The following DNASE1 variants were observed in gnomAD, a reference collection of about 807,000 sequenced individuals.
DNASE1 encodes deoxyribonuclease 1, also known as deoxyribonuclease-1.
In DNASE1, 40 loss-of-function variants were observed where a neutral mutation model predicts 33.9. That is an observed-to-expected ratio of 1.18 (90% CI 0.92 to 1.54). The LOEUF is 1.54. Among genes scored for constraint, DNASE1 ranks in the 40% most tolerant of loss-of-function variants. The pLI is 0.00. For missense variants in DNASE1, 518 were observed against 372.6 expected, an observed-to-expected ratio of 1.39 and a Z score of -3.21; for synonymous variants, 216 against 160.0, an observed-to-expected ratio of 1.35 and a Z score of -2.64.
At chr16:3,620,720 T>G (rs1383952796) in intron 1 of DNASE1, among the ~76,000 whole-genome samples, 1 of 152,058 alleles carries the variant, frequency 6.6e-6, no homozygotes, top group African/African-American at 2.4e-5. Flanking sequence ...TTTATTTCTT[T>G]TGGAAGGAGT....
rs577894979 is a variant in DNASE1, at chr16:3,654,869, G to A, written c.-177G>A. On this transcript the variant is annotated 5_prime_UTR_variant, in exon 1 of 9. In the 5' UTR this introduces an upstream ATG that the reference lacks. Transcript: ENST00000246949. ...TAAAACTCCCAGACACGCACTGCCT[G>A]TGCAGGATCCGGAGCCCAGCAGCAC... The A allele has an allele frequency of 7.1e-6, 3 of 423,110 alleles. No individual in the cohort carries two copies. Among genetic ancestry groups the A allele is most frequent in the South Asian group, 9.5e-5 (1 of 10,568 alleles). The allele number at this position is 423,110 out of a possible 1,614,324, so 26.2% of individuals were successfully genotyped here.
At position 3,654,913 on chromosome 16, in the gene DNASE1, C is replaced by T. The variant is rs2151213982; in HGVS notation, c.-133C>T. ...GCAGCACTGCCAGGGCCTTGAAGTG[C>T]TTCTTCAGAGACCTTTCTTCATAGA... On this transcript the variant is annotated 5_prime_UTR_variant, in exon 1 of 9. Transcript: ENST00000246949. 4 of 449,866 alleles carry T rather than the reference C, an allele frequency of 8.9e-6. No homozygotes were observed. The highest frequency in any genetic ancestry group is 1.6e-5 in the Non-Finnish European group (4 of 257,450). 27.9% of individuals were successfully genotyped at this position (449,866 alleles called of 1,614,324 possible). A position where few individuals can be genotyped will look rare whatever the true frequency, so the allele number is the denominator to read the frequency against.
chr16:3,628,188 T>C (rs901928189), intron 1 of DNASE1, among the ~76,000 whole-genome samples: 8 of 152,174 alleles, frequency 5.3e-5, no homozygotes, highest in African/African-American at 1.9e-4. Context: ...TATTTTATTC[T>C]TTTTAATGCT....
rs757019552 is a variant in DNASE1, at chr16:3,664,349, G to A, written c.*6396G>A. 4.5e-5 allele frequency: 73 copies of A among 1,613,090 alleles called. 2 individuals carry two copies. In the South Asian group the frequency reaches 6.9e-4, roughly 15 times the overall value. On this transcript the variant is annotated 3_prime_UTR_variant, in exon 10 of 10. Transcript: ENST00000407479. ...GGTGACGGTTGGGGGCGCACAGGTA[G>A]TAGATGTTGCGGGTGCCGGCCCGCA... is the stretch of plus-strand genomic sequence containing the variant.
chr16:3,661,850 T>C (rs1340353939), downstream of DNASE1: 2 of 1,192,730 alleles, frequency 1.7e-6, no homozygotes, highest in African/African-American at 3.1e-5. Context: ...CTAAACTGCA[T>C]ACAGCTCCTT....
rs367607486 is a variant in DNASE1, at chr16:3,655,391, G to C, written c.18G>C (p.Leu6=). 3 of 1,614,046 alleles carry C rather than the reference G, an allele frequency of 1.9e-6. No individual in the cohort carries two copies. The highest frequency in any genetic ancestry group is 2.7e-5 in the African/African-American group (2 of 74,948). Residue 6 remains leucine (L), a synonymous_variant, in exon 2 of 9, where the codon CTG becomes CTC. Coordinates refer to ENST00000246949, the MANE Select transcript of DNASE1 (RefSeq NM_005223.4). The part of the protein sequence containing the change: MRGMK[L]LGALLALAAL... ...CTCCCAGGATGAGGGGCATGAAGCT[G>C]CTGGGGGCGCTGCTGGCACTGGCGG...
upstream of DNASE1, chr16:3,650,603 CAAAAAAAAA>C (rs201718600): frequency 1.1e-4 from 7 of 63,372 alleles, no homozygotes; most frequent in Non-Finnish European, 2.3e-4. Context: ...TATGGTCATT[CAAAAAAAAA>C]AAAAAAAAGA....
intron 1 of DNASE1, among the ~76,000 whole-genome samples, chr16:3,614,729 G>C (rs1195698592): frequency 6.6e-6 from 1 of 152,160 alleles, no homozygotes; most frequent in African/African-American, 2.4e-5. Context: ...ACCTGGGAGA[G>C]GCAGTCTCCC....
downstream of DNASE1, chr16:3,661,848 C>A (rs1482759963): frequency 3.4e-6 from 4 of 1,165,042 alleles, no homozygotes; most frequent in Non-Finnish European, 4.6e-6. Context: ...GCCTAAACTG[C>A]ATACAGCTCC....
chr16:3,651,919 A>T (rs998186538), upstream of DNASE1: 2 of 152,354 alleles, frequency 1.3e-5, no homozygotes, highest in Non-Finnish European at 2.9e-5. Flanking sequence ...GGCTTCTTAG[A>T]AGGTGAAATG....
At chr16:3,648,268 A>G (rs1567201674) in intron 1 of DNASE1, among the ~76,000 whole-genome samples, 1 of 151,470 alleles carries the variant, frequency 6.6e-6, no homozygotes, top group Non-Finnish European at 1.5e-5. Flanking sequence ...TGCCTGTGAA[A>G]AGCCACTGCA....
chr16:3,616,203 A>T (rs1319308862), intron 1 of DNASE1, among the ~76,000 whole-genome samples: 1 of 152,204 alleles, frequency 6.6e-6, no homozygotes, highest in East Asian at 1.9e-4. Context: ...ATGTTCTGCT[A>T]GACAAATTTA....
chr16:3,650,096 A>T (rs956423789), upstream of DNASE1, among the ~76,000 whole-genome samples: 1 of 152,162 alleles, frequency 6.6e-6, no homozygotes, highest in African/African-American at 2.4e-5. Context: ...TTTGTTTGTA[A>T]GTAGGTTGTG....
At chr16:3,663,362 G>A (rs1329665474) in exon 10 of DNASE1, 6 of 1,603,282 alleles carry the variant, frequency 3.7e-6, no homozygotes, top group Non-Finnish European at 4.3e-6. Flanking sequence ...CTCGCTGCGG[G>A]GCAGGAGAGG....
chr16:3,641,087 G>A (rs7203011), upstream of DNASE1: 4,870 of 397,514 alleles, frequency 0.012, 205 homozygotes, highest in African/African-American at 0.089. Flanking sequence ...CCTGCGTGAG[G>A]CCCCATCCAC....
chr16:3,662,502 T>C (rs2043141815), downstream of DNASE1: 2 of 519,332 alleles, frequency 3.9e-6, no homozygotes, highest in African/African-American at 3.8e-5. Context: ...GGGGGAGTCT[T>C]AGCTCTCTGA....
At chr16:3,651,918 G>C (rs1475983442), upstream of DNASE1, 1 of 152,384 alleles carries the variant, frequency 6.6e-6, no homozygotes, top group South Asian at 2.1e-4. Flanking sequence ...TGGCTTCTTA[G>C]AAGGTGAAAT....
downstream of DNASE1, chr16:3,659,806 A>C (rs934865103): frequency 6.6e-6 from 1 of 151,976 alleles, no homozygotes; most frequent in Non-Finnish European, 1.5e-5. Context: ...CCCAAGCTAG[A>C]GTGAAATGGC....
At chr16:3,623,266 G>A (rs2041387549) in intron 1 of DNASE1, among the ~76,000 whole-genome samples, 1 of 151,956 alleles carries the variant, frequency 6.6e-6, no homozygotes, top group East Asian at 1.9e-4. Context: ...AATAAATAGC[G>A]CTGGGAAAAT....
Sources: allele counts gnomAD v4.1 joint callset (sites outside exome capture counted in the v4.1 genomes callset), GRCh38; gene constraint gnomAD v4.1.1; transcripts MANE v1.5; gene names NCBI Gene and HGNC (gene_info 2026-07-23, HGNC 2026-07-21).